The following FGF14 variants were observed in gnomAD, a reference collection of about 807,000 sequenced individuals.
The protein encoded by FGF14 is fibroblast growth factor homologous factor 4.
In FGF14, 5 loss-of-function variants were observed where a neutral mutation model predicts 25.5. The observed-to-expected ratio is 0.20, with a 90% confidence interval of 0.10 to 0.41. The LOEUF (loss-of-function observed/expected upper bound fraction) is 0.41. Among genes scored for constraint, FGF14 ranks in the 10% least tolerant of loss-of-function variants. FGF14 has a pLI of 1.00. For missense variants in FGF14, 222 were observed against 320.1 expected (o/e 0.69, Z 2.34); for synonymous variants, 138 against 118.3 (o/e 1.17, Z -1.08).
intron 1 of FGF14, among the ~76,000 whole-genome samples, chr13:102,010,168 T>C (rs2040005432): frequency 6.6e-6 from 1 of 152,194 alleles, no homozygotes; most frequent in African/African-American, 2.4e-5. Context: ...ATGGTGGAAA[T>C]GGCATAACTC....
rs946982653 is a variant in FGF14, at chr13:102,231,310, G to A, written c.208+170161C>T. Among the ~76,000 whole-genome samples, 9 of 152,258 alleles carry A rather than the reference G, an allele frequency of 5.9e-5. No individual in the cohort carries two copies. The East Asian group carries it at 7.7e-4, about 13-fold the overall frequency. Reference sequence around the variant, plus strand: ...AGTACTCTGCTTTGCATTTTGATCCGTTTATGTCTTTAAAAAGTAATCTCC... The same window carrying A: ...AGTACTCTGCTTTGCATTTTGATCCATTTATGTCTTTAAAAAGTAATCTCC... On this transcript the variant is annotated intron_variant, in intron 1 of 4. Coordinates refer to the FGF14 transcript ENST00000376131.
chr13:102,050,589 A>G (rs1390287053), intron 1 of FGF14, among the ~76,000 whole-genome samples: 1 of 152,214 alleles, frequency 6.6e-6, no homozygotes. Flanking sequence ...TTAAGACTCA[A>G]TGTAAATGGT....
chr13:102,304,782 A>G (rs557038427), intron 1 of FGF14, among the ~76,000 whole-genome samples: 1 of 152,304 alleles, frequency 6.6e-6, no homozygotes, highest in Admixed American at 6.5e-5. Flanking sequence ...CCAACTTGCT[A>G]TCCAAATGCT....
intron 3 of FGF14, among the ~76,000 whole-genome samples, chr13:101,827,482 A>T: frequency 6.6e-6 from 1 of 151,998 alleles, no homozygotes; most frequent in South Asian, 2.1e-4. Context: ...AAACCATCTA[A>T]GATTTATTTT....
intron 1 of FGF14, among the ~76,000 whole-genome samples, chr13:102,015,674 G>A (rs2040302627): frequency 1.3e-5 from 2 of 152,034 alleles, no homozygotes; most frequent in Non-Finnish European, 2.9e-5. Context: ...CTCCCCATGG[G>A]GTCAAGGCCT....
chr13:101,772,525 T>G (rs1201674950), intron 3 of FGF14, among the ~76,000 whole-genome samples: 5 of 152,116 alleles, frequency 3.3e-5, no homozygotes, highest in African/African-American at 9.6e-5. Context: ...GTTTCTATAA[T>G]TACTTCTCAT....
At chr13:102,317,976 A>G (rs1362183854) in intron 1 of FGF14, among the ~76,000 whole-genome samples, 2 of 152,308 alleles carry the variant, frequency 1.3e-5, no homozygotes, top group Non-Finnish European at 2.9e-5. Context: ...GCAAGACCAT[A>G]GACATCGGCC....
chr13:102,250,164 C>T lies in FGF14; in HGVS notation c.208+151307G>A, dbSNP rs914792809. ...GCCAAGCTGACAGAAAGAAACAGAG[C>T]TAGGTCACAACTGTCTTTCTGCCTA... On this transcript the variant is annotated intron_variant, in intron 1 of 4. Coordinates refer to the FGF14 transcript ENST00000376131. Among the ~76,000 whole-genome samples, 3 of 152,158 alleles carry T rather than the reference C, an allele frequency of 2.0e-5. 1 individual carries two copies. Among genetic ancestry groups the T allele is most frequent in the Non-Finnish European group, 4.4e-5 (3 of 68,038 alleles).
At chr13:102,272,267 G>A (rs1304782093) in intron 1 of FGF14, among the ~76,000 whole-genome samples, 1 of 152,036 alleles carries the variant, frequency 6.6e-6, no homozygotes, top group Non-Finnish European at 1.5e-5. Flanking sequence ...TATCACAAAC[G>A]CAGAGAAGCT....
chr13:101,945,246 A>T (rs537957859), intron 1 of FGF14, among the ~76,000 whole-genome samples: 6 of 152,322 alleles, frequency 3.9e-5, no homozygotes, highest in African/African-American at 1.4e-4. Context: ...TGAACCCCAC[A>T]GGCGGAGGTT....
At position 102,210,571 on chromosome 13, in the gene FGF14, A is replaced by G. The variant is rs576566272; in HGVS notation, c.208+190900T>C. On this transcript the variant is annotated intron_variant, in intron 1 of 4. Transcript: ENST00000376131. Reference sequence around the variant, plus strand: ...TGGGGGTGGGTAGTGCAAAAGCAAAACAGCTGACAGAGTACCTGTTTTTAA... The same window carrying G: ...TGGGGGTGGGTAGTGCAAAAGCAAAGCAGCTGACAGAGTACCTGTTTTTAA... Among the ~76,000 whole-genome samples, 318 of 152,282 alleles carry G rather than the reference A, an allele frequency of 2.1e-3. 4 individuals carry two copies. The highest frequency in any genetic ancestry group is 7.2e-3 in the African/African-American group (298 of 41,546).
At chr13:102,150,715 C>T (rs2047047717) in intron 1 of FGF14, among the ~76,000 whole-genome samples, 1 of 152,018 alleles carries the variant, frequency 6.6e-6, no homozygotes, top group Admixed American at 6.6e-5. Context: ...TTGGTGTAGA[C>T]CAGTGGTTCT....
chr13:102,001,479 T>C lies in FGF14; in HGVS notation c.209-126183A>G, dbSNP rs530052243. ...TAATATTTTTACTGGAATAAAGGGA[T>C]GAGACCCTAAGTTCTGCCAGGTACC... On this transcript the variant is annotated intron_variant, in intron 1 of 4. Coordinates refer to the FGF14 transcript ENST00000376131. 2.6e-5 allele frequency among the ~76,000 whole-genome samples: 4 copies of C among 152,312 alleles called. No individual in the cohort carries two copies. In the South Asian group the frequency reaches 8.3e-4, roughly 32 times the overall value.
intron 4 of FGF14, among the ~76,000 whole-genome samples, chr13:101,724,804 A>G (rs544159527): frequency 6.6e-6 from 1 of 151,342 alleles, no homozygotes; most frequent in African/African-American, 2.4e-5. Flanking sequence ...CTACCCCCTT[A>G]ACTGTTTTTA....
chr13:102,135,196 A>C (rs2046361935), intron 1 of FGF14, among the ~76,000 whole-genome samples: 1 of 152,230 alleles, frequency 6.6e-6, no homozygotes, highest in Admixed American at 6.5e-5. Context: ...TGACAGAGCA[A>C]GACCCTATCT....
At chr13:102,285,663 T>C (rs556332544) in intron 1 of FGF14, among the ~76,000 whole-genome samples, 3 of 152,364 alleles carry the variant, frequency 2.0e-5, no homozygotes, top group African/African-American at 4.8e-5. Context: ...CTCTGTGAAC[T>C]AGCCAAATAA....
intron 1 of FGF14, among the ~76,000 whole-genome samples, chr13:102,108,316 T>C (rs887331599): frequency 2.6e-5 from 4 of 152,220 alleles, no homozygotes; most frequent in Non-Finnish European, 5.9e-5. Flanking sequence ...TTCCTACTTA[T>C]TACTTCTCAG....
intron 3 of FGF14, among the ~76,000 whole-genome samples, chr13:101,795,563 A>G (rs1261140555): frequency 6.6e-6 from 1 of 152,090 alleles, no homozygotes; most frequent in Non-Finnish European, 1.5e-5. Flanking sequence ...AAGGCAACAC[A>G]TACTTTCTTT....
intron 3 of FGF14, among the ~76,000 whole-genome samples, chr13:101,844,141 A>G (rs1268346606): frequency 6.6e-6 from 1 of 152,032 alleles, no homozygotes; most frequent in East Asian, 1.9e-4. Flanking sequence ...ATATCAGGAC[A>G]CAAACTGAAG....
Sources: gnomAD v4.1 joint callset for allele counts (sites outside exome capture counted in the v4.1 genomes callset) on GRCh38, gnomAD v4.1.1 for gene constraint, MANE v1.5 for transcripts, NCBI Gene and HGNC (gene_info 2026-07-23, HGNC 2026-07-21) for gene names.